Variants in ZNF596 observed in about 807,000 individuals in gnomAD.
ZNF596 encodes zinc finger protein 596.
Under a neutral mutation model 48.3 loss-of-function variants are expected in ZNF596, and 45 were observed. The observed-to-expected ratio is 0.93, with a 90% CI of 0.73 to 1.19. The LOEUF is 1.19. ZNF596 is among the 50% of genes most tolerant of loss of function. The pLI, the probability that ZNF596 is intolerant of heterozygous loss-of-function variation, is 0.00. For synonymous variants in ZNF596, 270 were observed against 202.0 expected (o/e 1.34, Z -2.85); for missense variants, 848 against 599.7 (o/e 1.41, Z -4.32).
At chr8:244,841 A>G in intron 5 of ZNF596, 140 bp downstream of exon 5, 1 of 729,162 alleles carries the variant, frequency 1.4e-6, no homozygotes, top group South Asian at 2.0e-5. Flanking sequence ...GAAGACGTTA[A>G]CTTCAAATCA....
intron 1 of ZNF596, chr8:233,407 T>G: frequency 3.4e-6 from 1 of 297,256 alleles, no homozygotes; most frequent in South Asian, 3.3e-5. Flanking sequence ...TCAGTCTTAA[T>G]TGTATATTGA....
At position 243,099 on chromosome 8, in the gene ZNF596, G is replaced by T. The variant is rs151213399; in HGVS notation, c.139+86G>T. 4,025 of 1,328,104 alleles carry T rather than the reference G, an allele frequency of 3.0e-3. 21 individuals are homozygous for T. The highest frequency in any genetic ancestry group is 0.016 in the Middle Eastern group (60 of 3,842). The allele number at this position is 1,328,104 out of a possible 1,614,324, so 82.3% of individuals were successfully genotyped here. On this transcript the variant is annotated intron_variant, in intron 3 of 5. Transcript: ENST00000398612. ...ACTGATTCATTCTTTCATTCTACAC[G>T]TGCTTAGAACAGCTTTCTCATCTAT... is the stretch of plus-strand genomic sequence containing the variant.
chr8:244,667 T>C lies in ZNF596; in HGVS notation c.272T>C (p.Ile91Thr), dbSNP rs749936954. Residue 91 changes from isoleucine to threonine, a missense_variant, in exon 5 of 6, where the codon ATC becomes ACC. Transcript: ENST00000398612. ...KHQEIPFIQHIYQKGTSTIST... is the reference protein window; with the variant it reads ...KHQEIPFIQHTYQKGTSTIST... ...CAAGAGATACCATTCATTCAACATA[T>C]CTATCAGAAGGGCACGTCCACCATC... is the stretch of plus-strand genomic sequence containing the variant. 2.5e-6 allele frequency: 4 copies of C among 1,613,404 alleles called. No individual in the cohort carries two copies. Among genetic ancestry groups the C allele is most frequent in the African/African-American group, 1.3e-5 (1 of 74,834 alleles).
At chr8:235,545 A>G (rs1165791024) in intron 1 of ZNF596, among the ~76,000 whole-genome samples, 1 of 152,152 alleles carries the variant, frequency 6.6e-6, no homozygotes, top group Admixed American at 6.5e-5. Flanking sequence ...AGTAATTGTG[A>G]GGCTGAATAA....
chr8:238,628 CAAA>C (rs1167168569), intron 1 of ZNF596, among the ~76,000 whole-genome samples: 31 of 39,850 alleles, frequency 7.8e-4, no homozygotes, highest in African/African-American at 1.6e-3. Context: ...TGGTGAAATA[CAAA>C]AAAAAAAAAA....
chr8:236,044 G>C (rs1170789965), intron 1 of ZNF596, among the ~76,000 whole-genome samples: 1 of 152,130 alleles, frequency 6.6e-6, no homozygotes, highest in East Asian at 1.9e-4. Context: ...CAGTCACTGA[G>C]GTTTTATGTC....
intron 1 of ZNF596, among the ~76,000 whole-genome samples, chr8:234,018 C>T (rs571550811): frequency 2.0e-4 from 30 of 152,232 alleles, no homozygotes; most frequent in African/African-American, 7.2e-4. Context: ...AGGCAGTGGA[C>T]AGGGAAAGAG....
Position 245,764 on chromosome 8 carries a change from C to G in ZNF596, c.917C>G (p.Pro306Arg). The G allele has an allele frequency of 3.7e-6, 6 of 1,614,032 alleles. No individual in the cohort carries two copies. Among genetic ancestry groups the G allele is most frequent in the Non-Finnish European group, 5.1e-6 (6 of 1,179,992 alleles). ...GAGAGAACTCACTTAGGAGATAAACCATATGGATGTCTCCTATGTGGGAAG... is the reference window on the plus strand; with the variant it reads ...GAGAGAACTCACTTAGGAGATAAACGATATGGATGTCTCCTATGTGGGAAG... ...KHERTHLGDK[P>R]YGCLLCGKAF... is the part of the protein sequence containing the mutation. Residue 306 changes from proline to arginine, a missense_variant, in exon 6 of 6, where the codon CCA becomes CGA. Physicochemically the swap from Pro to Arg is moderately radical, Grantham distance 103 (BLOSUM62 -2). Transcript: ENST00000398612.
At chr8:242,290 A>G (rs1796883450) in intron 2 of ZNF596, among the ~76,000 whole-genome samples, 1 of 147,570 alleles carries the variant, frequency 6.8e-6, no homozygotes, top group Non-Finnish European at 1.5e-5. Flanking sequence ...TGCTGATACC[A>G]AGTTCTATAT....
rs752350758 is a variant in ZNF596, at chr8:243,705, CT to C, written c.140-12del. The C allele has an allele frequency of 1.4e-5, 23 of 1,612,150 alleles. No individual in the cohort carries two copies. The African/African-American group carries it at 2.5e-4, about 18-fold the overall frequency. ...AGCACAGAACTCAAAATCCATGTATCTTTTTCCCCAAAACAGGCAAACAGCT... is the reference window on the plus strand; with the variant it reads ...AGCACAGAACTCAAAATCCATGTATCTTTTCCCCAAAACAGGCAAACAGCT... On this transcript the variant is annotated splice_polypyrimidine_tract_variant and intron_variant, in intron 3 of 5. Coordinates refer to ENST00000398612, the MANE Select transcript of ZNF596 (RefSeq NM_001042416.3).
chr8:236,407 C>T (rs944885868), intron 1 of ZNF596, among the ~76,000 whole-genome samples: 6 of 152,154 alleles, frequency 3.9e-5, no homozygotes, highest in Non-Finnish European at 7.4e-5. Flanking sequence ...TAGTCCCTCT[C>T]CTTTTCCCTC....
intron 2 of ZNF596, among the ~76,000 whole-genome samples, chr8:241,486 A>C (rs1796852451): frequency 6.6e-6 from 1 of 152,228 alleles, no homozygotes; most frequent in Admixed American, 6.5e-5. Flanking sequence ...AAACTTAAAA[A>C]GCAAAATTAA....
intron 1 of ZNF596, 65 bp from the exon 2 acceptor site, chr8:240,759 G>A (rs1563065858): frequency 1.7e-5 from 18 of 1,073,788 alleles, no homozygotes; most frequent in Non-Finnish European, 1.3e-5. Context: ...ATAGCTTTGG[G>A]GCAGATGTTA....
At position 245,699 on chromosome 8, in the gene ZNF596, T is replaced by G; in HGVS notation, c.852T>G (p.Cys284Trp). Residue 284 changes from cysteine (C) to tryptophan (W), a missense_variant, in exon 6 of 6, where the codon TGT (cysteine) becomes TGG (tryptophan). Coordinates refer to ENST00000398612, the MANE Select transcript of ZNF596 (RefSeq NM_001042416.3). ...AAAAAGCACAGATATGCCATCTATGTGGGAAAGCCTTCACTCATTGCTCTG... is the reference window on the plus strand; with the variant it reads ...AAAAAGCACAGATATGCCATCTATGGGGGAAAGCCTTCACTCATTGCTCTG... ...TREKAQICHL[C>W]GKAFTHCSDL... 6.2e-7 allele frequency: 1 copy of G among 1,614,076 alleles called. No individual in the cohort carries two copies. Among genetic ancestry groups the G allele is most frequent in the Non-Finnish European group, 8.5e-7 (1 of 1,180,006 alleles).
At chr8:244,949 G>C (rs933488800) in intron 5 of ZNF596, among the ~76,000 whole-genome samples, 3 of 152,202 alleles carry the variant, frequency 2.0e-5, no homozygotes, top group Non-Finnish European at 4.4e-5. Context: ...TAGTCAGATA[G>C]CTCTTCAGTT....
chr8:236,279 T>G (rs1284396931), intron 1 of ZNF596, among the ~76,000 whole-genome samples: 1 of 152,222 alleles, frequency 6.6e-6, no homozygotes, highest in Non-Finnish European at 1.5e-5. Flanking sequence ...ATAATAGTTT[T>G]GCCCACTTTT....
chr8:242,809 T>C (rs1796907895), intron 2 of ZNF596, 78 bp from the exon 3 acceptor site: 1 of 1,345,982 alleles, frequency 7.4e-7, no homozygotes, highest in Admixed American at 2.6e-5. Flanking sequence ...ACTTCCTTAG[T>C]ACAGTCACTT....
chr8:238,628 C>CAAAA (rs1167168569), intron 1 of ZNF596, among the ~76,000 whole-genome samples: 37 of 39,850 alleles, frequency 9.3e-4, no homozygotes, highest in East Asian at 5.1e-3. Flanking sequence ...TGGTGAAATA[C>CAAAA]AAAAAAAAAA....
In ZNF596 at chr8:244,686, C is replaced by T. The variant is rs377202430; in HGVS notation, c.291C>T (p.Ser97=). 1.4e-5 allele frequency: 23 copies of T among 1,613,046 alleles called. No individual in the cohort carries two copies. In the African/African-American group the frequency reaches 2.7e-4, roughly 19 times the overall value. The change falls in exon 5 of 6, where the codon TCC becomes TCT. Residue 97 remains serine (S), a synonymous_variant. Coordinates refer to ENST00000398612, the MANE Select transcript of ZNF596 (RefSeq NM_001042416.3). ...FIQHIYQKGT[S]TISTMRSHTQ... ...AACATATCTATCAGAAGGGCACGTC[C>T]ACCATCAGCACAATGGTAAGCTTTA...
Sources: allele counts gnomAD v4.1 joint callset (sites outside exome capture counted in the v4.1 genomes callset), GRCh38; gene constraint gnomAD v4.1.1; transcripts MANE v1.5; gene names NCBI Gene and HGNC (gene_info 2026-07-23, HGNC 2026-07-21).